IFNAR2: variants seen among roughly 807,000 people sequenced by gnomAD.
IFNAR2 encodes interferon alpha and beta receptor subunit 2.
IFNAR2 carries 30 observed loss-of-function variants against 49.4 expected under a neutral mutation model. The observed-to-expected ratio is 0.61, with a 90% CI of 0.45 to 0.82. IFNAR2 has a LOEUF of 0.82. Among genes scored for constraint, IFNAR2 ranks in the 40% least tolerant of loss-of-function variants. The pLI, the probability that IFNAR2 is intolerant of heterozygous loss-of-function variation, is 0.00. For synonymous variants in IFNAR2, 224 were observed against 234.5 expected (o/e 0.96, Z 0.41); for missense variants, 600 against 622.7 (o/e 0.96, Z 0.39).
chr21:33,252,370 T>G (rs1406434937), intron 6 of IFNAR2: 1 of 965,832 alleles, frequency 1.0e-6, no homozygotes, highest in African/African-American at 1.7e-5. Context: ...AAAAATGACG[T>G]CACAGAGACT....
In IFNAR2 at chr21:33,232,020, T is replaced by C. The variant is rs148685863; in HGVS notation, c.-84+1804T>C. ...CTCCCAAAGTGCTAGTATTACAGGC[T>C]CAATCATCATGTTTTATCAAAGCTA... is the stretch of plus-strand genomic sequence containing the variant. On this transcript the variant is annotated intron_variant, in intron 1 of 8. Coordinates refer to ENST00000342136, the MANE Select transcript of IFNAR2 (RefSeq NM_001289125.3). Among the ~76,000 whole-genome samples, 7 of 152,324 alleles carry C rather than the reference T, an allele frequency of 4.6e-5. No homozygotes were observed. The East Asian group carries it at 1.2e-3, about 25-fold the overall frequency.
chr21:33,261,653 T>A (rs184356939), intron 8 of IFNAR2, among the ~76,000 whole-genome samples: 1 of 152,068 alleles, frequency 6.6e-6, no homozygotes, highest in Admixed American at 6.5e-5. Context: ...GGCGGGTGGA[T>A]CATTTGAGCC....
chr21:33,247,249 TCTTTC>T (rs778541881), intron 5 of IFNAR2, among the ~76,000 whole-genome samples: 11 of 129,930 alleles, frequency 8.5e-5, no homozygotes, highest in South Asian at 2.4e-4. Flanking sequence ...TTTCTTTCTT[TCTTTC>T]TTTTTTTTTT....
At chr21:33,231,013 T>C (rs1986020194) in intron 1 of IFNAR2, among the ~76,000 whole-genome samples, 1 of 152,076 alleles carries the variant, frequency 6.6e-6, no homozygotes, top group South Asian at 2.1e-4. Flanking sequence ...ACATTTTTTT[T>C]TTTATTTCCT....
chr21:33,255,816 A>G (rs903150146), intron 7 of IFNAR2, among the ~76,000 whole-genome samples: 5 of 152,150 alleles, frequency 3.3e-5, no homozygotes, highest in Non-Finnish European at 5.9e-5. Context: ...TAGTTTTTCT[A>G]GGGACCAGCC....
chr21:33,262,652 C>G, intron 8 of IFNAR2, 141 bp from the exon 9 acceptor site: 1 of 1,202,218 alleles, frequency 8.3e-7, no homozygotes, highest in Non-Finnish European at 1.2e-6. Flanking sequence ...CTCAAACAGT[C>G]GTCCTGCCTA....
At position 33,252,733 on chromosome 21, in the gene IFNAR2, G is replaced by A. The variant is rs377407494; in HGVS notation, c.612G>A (p.Thr204=). The part of the protein sequence containing the change: ...TYIIDKLIPN[T]NYCVSVYLEH... The stretch of plus-strand genomic sequence containing the variant: ...TCATTGACAAGTTAATTCCAAACAC[G>A]AACTACTGTGTATCTGTTTATTTAG... The change falls in exon 7 of 9, where the codon ACG becomes ACA. Residue 204 remains threonine, a synonymous_variant. Transcript: ENST00000342136. 8 of 1,612,948 alleles carry A rather than the reference G, an allele frequency of 5.0e-6. No individual in the cohort carries two copies. In the African/African-American group the frequency reaches 8.0e-5, roughly 16 times the overall value.
chr21:33,255,247 T>C (rs1174196155), intron 7 of IFNAR2, among the ~76,000 whole-genome samples: 1 of 152,194 alleles, frequency 6.6e-6, no homozygotes, highest in Non-Finnish European at 1.5e-5. Flanking sequence ...TGACACTAAC[T>C]AGTTGTCCAA....
At chr21:33,251,271 A>G (rs1987818576) in intron 6 of IFNAR2, among the ~76,000 whole-genome samples, 1 of 152,246 alleles carries the variant, frequency 6.6e-6, no homozygotes, top group African/African-American at 2.4e-5. Flanking sequence ...ATGTCCCGGT[A>G]GCTGAGAGAA....
chr21:33,246,024 T>A (rs1298233743), intron 4 of IFNAR2, among the ~76,000 whole-genome samples: 2 of 151,780 alleles, frequency 1.3e-5, no homozygotes, highest in Non-Finnish European at 2.9e-5. Context: ...GATCTGAGGC[T>A]TCCACCATGA....
chr21:33,246,780 T>C lies in IFNAR2; in HGVS notation c.284T>C (p.Leu95Pro). 1 of 1,613,702 alleles carries C rather than the reference T, an allele frequency of 6.2e-7. No homozygotes were observed. Among genetic ancestry groups the C allele is most frequent in the Non-Finnish European group, 8.5e-7 (1 of 1,179,578 alleles). ...AATACCACAAGATCATTTTGTGACC[T>C]CACAGATGAGTGGAGAAGCACACAC... is the stretch of plus-strand genomic sequence containing the variant. ...CANTTRSFCD[L>P]TDEWRSTHEA... is the part of the protein sequence containing the mutation. The change falls in exon 5 of 9, where the codon CTC (leucine) becomes CCC (proline). Residue 95 changes from leucine (L) to proline (P), a missense_variant. Physicochemically the swap from Leu to Pro is moderately conservative, Grantham distance 98. Coordinates refer to ENST00000342136, the MANE Select transcript of IFNAR2 (RefSeq NM_001289125.3).
Position 33,246,993 on chromosome 21 carries a change from G to A in IFNAR2, c.394+103G>A, listed in dbSNP as rs1987471576. The A allele has an allele frequency of 4.2e-6, 4 of 951,076 alleles. No individual in the cohort carries two copies. In the South Asian group the frequency reaches 6.5e-5, roughly 16 times the overall value. The allele number at this position is 951,076 out of a possible 1,614,324, so 58.9% of individuals were successfully genotyped here. A position where few individuals can be genotyped will look rare whatever the true frequency, so the allele number is the denominator to read the frequency against. ...TCTACAAAGGTGTTTTAGACCTGGG[G>A]CTGGGCTCACCTCTTGGCCCTGCCA... On this transcript the variant is annotated intron_variant, in intron 5 of 8. Transcript: ENST00000342136.
At chr21:33,254,729 G>A (rs1988092807) in intron 7 of IFNAR2, among the ~76,000 whole-genome samples, 1 of 152,022 alleles carries the variant, frequency 6.6e-6, no homozygotes, top group South Asian at 2.1e-4. Flanking sequence ...CCCCCACTTC[G>A]AATTGTCCCA....
intron 7 of IFNAR2, among the ~76,000 whole-genome samples, chr21:33,254,770 C>T (rs910874437): frequency 6.6e-6 from 1 of 152,182 alleles, no homozygotes; most frequent in African/African-American, 2.4e-5. Flanking sequence ...GTACATCTTA[C>T]ATGCATTGAT....
intron 6 of IFNAR2, 48 bp from the exon 7 acceptor site, chr21:33,252,614 C>A (rs766316185): frequency 2.6e-5 from 42 of 1,585,352 alleles, no homozygotes; most frequent in Non-Finnish European, 3.5e-5. Flanking sequence ...TAAGGCCTAC[C>A]TCTAAATGAA....
At chr21:33,243,041 G>A (rs1322917033) in intron 2 of IFNAR2, among the ~76,000 whole-genome samples, 3 of 151,358 alleles carry the variant, frequency 2.0e-5, no homozygotes, top group Non-Finnish European at 4.4e-5. Context: ...CACCGCCTTG[G>A]CCTCCCAGAA....
chr21:33,263,796 G>A lies in IFNAR2; in HGVS notation c.*296G>A. 1 of 351,240 alleles carries A rather than the reference G, an allele frequency of 2.8e-6. No homozygotes were observed. Among genetic ancestry groups the A allele is most frequent in the African/African-American group, 2.1e-5 (1 of 47,774 alleles). 21.8% of individuals were successfully genotyped at this position (351,240 alleles called of 1,614,324 possible). On this transcript the variant is annotated 3_prime_UTR_variant, in exon 9 of 9. Coordinates refer to ENST00000342136, the MANE Select transcript of IFNAR2 (RefSeq NM_001289125.3). The stretch of plus-strand genomic sequence containing the variant: ...TCTGCATCATGTCTACCAGGGAGCA[G>A]GGTTCCCCACAGTTTCAGAGGTGGT...
chr21:33,241,189 T>G (rs1014664505), intron 1 of IFNAR2, among the ~76,000 whole-genome samples: 2 of 152,196 alleles, frequency 1.3e-5, no homozygotes, highest in Admixed American at 1.3e-4. Context: ...CCCCTTAAAT[T>G]TATTTTTTTA....
At chr21:33,260,055 A>T (rs1988460892) in intron 7 of IFNAR2, among the ~76,000 whole-genome samples, 2 of 152,192 alleles carry the variant, frequency 1.3e-5, no homozygotes, top group Admixed American at 6.5e-5. Context: ...AAAAAGCTGA[A>T]ATTTTCCAAA....
Sources: allele counts gnomAD v4.1 joint callset (sites outside exome capture counted in the v4.1 genomes callset), GRCh38; gene constraint gnomAD v4.1.1; transcripts MANE v1.5; gene names NCBI Gene and HGNC (gene_info 2026-07-23, HGNC 2026-07-21).